The following ABCC9 variants were observed in gnomAD, a reference collection of about 807,000 sequenced individuals.
ABCC9 encodes the protein ATP-binding cassette sub-family C member 9.
A neutral mutation model predicts 188.3 loss-of-function variants in ABCC9; 95 were observed. The ratio of observed to expected loss-of-function variants is 0.50; its 90% CI spans 0.43 to 0.60. ABCC9 has a LOEUF of 0.60. Among genes scored for constraint, ABCC9 ranks in the 20% least tolerant of loss-of-function variants. ABCC9 has a pLI of 0.00. For missense variants in ABCC9, 1,102 were observed against 1,876.3 expected (o/e 0.59, Z 7.62); for synonymous variants, 659 against 652.7 (o/e 1.01, Z -0.15).
intron 12 of ABCC9, among the ~76,000 whole-genome samples, chr12:21,903,042 A>C (rs1289935270): frequency 1.3e-5 from 2 of 152,240 alleles, no homozygotes; most frequent in Non-Finnish European, 2.9e-5. Flanking sequence ...AAAAATCCTC[A>C]ATAAAATACT....
chr12:21,845,121 T>G (rs1440903656), intron 26 of ABCC9, among the ~76,000 whole-genome samples: 1 of 126,100 alleles, frequency 7.9e-6, no homozygotes, highest in Non-Finnish European at 1.7e-5. Context: ...CTCCCTTCAC[T>G]CTCCTTCAAG....
intron 30 of ABCC9, among the ~76,000 whole-genome samples, chr12:21,834,783 T>TTA (rs201448231): frequency 0.33 from 21,213 of 64,760 alleles, 1,766 homozygotes; most frequent in East Asian, 0.49. Flanking sequence ...ATATATAACA[T>TTA]TATACACACA....
At chr12:21,859,327 G>A (rs565557703) in intron 22 of ABCC9, among the ~76,000 whole-genome samples, 1 of 152,088 alleles carries the variant, frequency 6.6e-6, no homozygotes, top group East Asian at 1.9e-4. Flanking sequence ...ATCCTTTCCT[G>A]GTTAAGAAAC....
rs1941357030 is a variant in ABCC9 at position 21,800,045 on chromosome 12, T to A, written c.*999A>T. 1 of 152,190 alleles carries A rather than the reference T, an allele frequency of 6.6e-6. No individual in the cohort carries two copies. The highest frequency in any genetic ancestry group is 2.4e-5 in the African/African-American group (1 of 41,432). 9.4% of individuals were successfully genotyped at this position (152,190 alleles called of 1,614,324 possible). ...GCATAAATGTCTAGAAGAGGTAAAC[T>A]CTTTCAGCTAGAAATAGACACTTGT... On this transcript the variant is annotated 3_prime_UTR_variant, in exon 40 of 40. Coordinates refer to ENST00000261200, the MANE Select transcript of ABCC9 (RefSeq NM_020297.4).
chr12:21,923,766 C>T (rs754863220), intron 5 of ABCC9: 11 of 687,322 alleles, frequency 1.6e-5, no homozygotes, highest in Non-Finnish European at 2.6e-5. Context: ...AGATTTCACT[C>T]TTAGGTATTT....
chr12:21,884,543 C>T (rs955131670), intron 15 of ABCC9, among the ~76,000 whole-genome samples: 1 of 152,082 alleles, frequency 6.6e-6, no homozygotes, highest in African/African-American at 2.4e-5. Flanking sequence ...TTGAAAAATC[C>T]ATTGGGTTTT....
rs1949021780 is a variant in ABCC9, at chr12:21,925,814, G to T, written c.406+128C>A. 3.9e-6 allele frequency: 4 copies of T among 1,028,602 alleles called. No individual in the cohort carries two copies. The South Asian group carries it at 4.5e-5, about 11-fold the overall frequency. 63.7% of individuals were successfully genotyped at this position (1,028,602 alleles called of 1,614,324 possible). ...GGCAGCTACAGGAGAATTAATCACT[G>T]GTTTTCCCATACTTTCTACTCCCCA... is the stretch of plus-strand genomic sequence containing the variant. On this transcript the variant is annotated intron_variant, in intron 5 of 39. Coordinates refer to ENST00000261200, the MANE Select transcript of ABCC9 (RefSeq NM_020297.4).
intron 5 of ABCC9, chr12:21,925,513 T>C (rs1473649232): frequency 1.4e-6 from 1 of 702,632 alleles, no homozygotes; most frequent in Non-Finnish European, 2.6e-6. Flanking sequence ...GCTTGAACCT[T>C]GGGAAAATGT....
At chr12:21,852,640 A>G (rs1437998232) in intron 22 of ABCC9, 135 bp from the exon 23 acceptor site, 8 of 1,074,288 alleles carry the variant, frequency 7.4e-6, no homozygotes, top group Non-Finnish European at 1.1e-5. Context: ...AAAAGGATAA[A>G]GAAAAACTAC....
chr12:21,896,463 C>T (rs771465638), intron 12 of ABCC9, among the ~76,000 whole-genome samples: 2 of 152,002 alleles, frequency 1.3e-5, no homozygotes, highest in Admixed American at 1.3e-4. Flanking sequence ...TTTTAAGTTC[C>T]GGGATACATG....
chr12:21,922,751 C>CTT (rs143763191), intron 5 of ABCC9, among the ~76,000 whole-genome samples: 2,290 of 119,040 alleles, frequency 0.019, 46 homozygotes, highest in South Asian at 0.049. Flanking sequence ...TTTTTTTTTT[C>CTT]TTTTTTTTTT....
At position 21,910,889 on chromosome 12, in the gene ABCC9, T is replaced by C; in HGVS notation, c.1101A>G (p.Thr367=). The part of the protein sequence containing the change: ...LLFLALILQR[T]FLQASYYVTI... ...TTACATAGTAGGAAGCCTGCAAAAA[T>C]GTCCTTTGCAGAATAAGAGCCAAGA... The change falls in exon 9 of 40, where the codon ACA becomes ACG. Residue 367 remains threonine, a synonymous_variant. Coordinates refer to ENST00000261200, the MANE Select transcript of ABCC9 (RefSeq NM_020297.4). 1 of 1,612,474 alleles carries C rather than the reference T, an allele frequency of 6.2e-7. No individual in the cohort carries two copies. Among genetic ancestry groups the C allele is most frequent in the Non-Finnish European group, 8.5e-7 (1 of 1,178,816 alleles).
chr12:21,845,136 G>GA (rs1296084392), intron 26 of ABCC9, among the ~76,000 whole-genome samples: 39 of 102,208 alleles, frequency 3.8e-4, no homozygotes, highest in South Asian at 1.1e-3. Context: ...TTCAAGGCTT[G>GA]CTTAAAAGCA....
chr12:21,846,096 G>A (rs1425527842), intron 25 of ABCC9, among the ~76,000 whole-genome samples: 1 of 152,152 alleles, frequency 6.6e-6, no homozygotes, highest in African/African-American at 2.4e-5. Context: ...AAATTGACTG[G>A]AAGAAACTTA....
chr12:21,880,485 C>T (rs1276759680), intron 16 of ABCC9, among the ~76,000 whole-genome samples: 1 of 152,072 alleles, frequency 6.6e-6, no homozygotes, highest in Non-Finnish European at 1.5e-5. Context: ...AATTTTGCAA[C>T]ATATGTGACT....
chr12:21,888,752 G>A (rs189560823), intron 14 of ABCC9, among the ~76,000 whole-genome samples: 3 of 152,084 alleles, frequency 2.0e-5, no homozygotes, highest in South Asian at 2.1e-4. Context: ...TCTCAAACCA[G>A]TGTCATAGGA....
At chr12:21,922,573 C>T (rs924885119) in intron 5 of ABCC9, among the ~76,000 whole-genome samples, 1 of 151,636 alleles carries the variant, frequency 6.6e-6, no homozygotes, top group African/African-American at 2.4e-5. Context: ...GTAAAGTTAA[C>T]AAGACATGAA....
intron 22 of ABCC9, among the ~76,000 whole-genome samples, chr12:21,855,593 C>T (rs946228049): frequency 1.3e-5 from 2 of 152,092 alleles, no homozygotes; most frequent in African/African-American, 4.8e-5. Context: ...ATTAAAAGGT[C>T]CAAATTGTAG....
chr12:21,853,580 T>C (rs1007569823), intron 22 of ABCC9, among the ~76,000 whole-genome samples: 1 of 152,142 alleles, frequency 6.6e-6, no homozygotes, highest in East Asian at 1.9e-4. Flanking sequence ...ATTTAAGAAC[T>C]CACATTAATT....
Sources: allele counts gnomAD v4.1 joint callset (sites outside exome capture counted in the v4.1 genomes callset), GRCh38; gene constraint gnomAD v4.1.1; transcripts MANE v1.5; gene names NCBI Gene and HGNC (gene_info 2026-07-23, HGNC 2026-07-21).